Variants in PML observed in about 807,000 individuals in gnomAD.
PML encodes protein PML.
Under a neutral mutation model 65.2 loss-of-function variants are expected in PML, and 28 were observed. The ratio of observed to expected loss-of-function variants is 0.43; its 90% CI spans 0.32 to 0.59. PML has a LOEUF of 0.59. Among genes scored for constraint, PML ranks in the 20% least tolerant of loss-of-function variants. PML has a pLI of 0.08. For missense variants in PML, 1,021 were observed against 1,203.4 expected (o/e 0.85, Z 2.24); for synonymous variants, 500 against 508.8 (o/e 0.98, Z 0.23).
At chr15:74,002,002 T>C (rs1250926419) in intron 2 of PML, among the ~76,000 whole-genome samples, 1 of 147,696 alleles carries the variant, frequency 6.8e-6, no homozygotes, top group Non-Finnish European at 1.5e-5. Flanking sequence ...GGACCCTGAC[T>C]CGAAAAAAAA....
At chr15:74,010,011 G>A (rs1418382602) in intron 2 of PML, among the ~76,000 whole-genome samples, 1 of 149,302 alleles carries the variant, frequency 6.7e-6, no homozygotes, top group Admixed American at 6.7e-5. Context: ...GAACAATTTG[G>A]GTTTTTTAGT....
intron 1 of PML, among the ~76,000 whole-genome samples, chr15:73,996,829 C>A (rs920839058): frequency 3.3e-5 from 5 of 152,184 alleles, no homozygotes; most frequent in African/African-American, 4.8e-5. Context: ...TCTAATCTAC[C>A]TTCTGTCCCT....
At chr15:73,999,591 G>A (rs965432447) in intron 2 of PML, among the ~76,000 whole-genome samples, 3 of 152,156 alleles carry the variant, frequency 2.0e-5, no homozygotes, top group Non-Finnish European at 4.4e-5. Context: ...CTGCATTTGC[G>A]AGTGGCCTGT....
Position 74,044,852 on chromosome 15 carries a change from C to A in PML, c.2493C>A (p.Thr831=), listed in dbSNP as rs781405445. The change falls in exon 9 of 9, where the codon ACC becomes ACA. Residue 831 remains threonine (T), a synonymous_variant. Coordinates refer to ENST00000268058, the MANE Select transcript of PML (RefSeq NM_033238.3). ...KKYSRYLSLQ[T]TTLPPAQPAF... ...ACAGCCGCTATCTAAGCCTGCAGAC[C>A]ACCACGTTGCCCCCTGCCCAGCCTG... 1 of 1,613,396 alleles carries A rather than the reference C, an allele frequency of 6.2e-7. No homozygotes were observed. Among genetic ancestry groups the A allele is most frequent in the South Asian group, 1.1e-5 (1 of 91,096 alleles).
At chr15:74,039,282 G>A (rs2071645113) in intron 7 of PML, among the ~76,000 whole-genome samples, 2 of 152,234 alleles carry the variant, frequency 1.3e-5, no homozygotes, top group Non-Finnish European at 2.9e-5. Flanking sequence ...GGCAGCAGAG[G>A]CCACAGGCTG....
In PML at chr15:74,037,841, G is replaced by A; in HGVS notation, c.1710+3311G>A. 2.2e-6 allele frequency: 1 copy of A among 459,876 alleles called. No homozygotes were observed. Among genetic ancestry groups the A allele is most frequent in the Non-Finnish European group, 2.9e-6 (1 of 349,452 alleles). The allele number at this position is 459,876 out of a possible 1,614,324, so 28.5% of individuals were successfully genotyped here. ...CTGTGTATTCTCCCAGGTGCTCTCA[G>A]CCACGCCCCTGACTTCAGTTACTGC... On this transcript the variant is annotated intron_variant, in intron 7 of 8. Transcript: ENST00000268058. This position sits in a 1 kb window ranked among gnomAD's most constrained non-coding sequence, Gnocchi z 4.2.
chr15:74,019,818 T>C (rs1274208283), intron 2 of PML, among the ~76,000 whole-genome samples: 2 of 152,198 alleles, frequency 1.3e-5, no homozygotes, highest in African/African-American at 4.8e-5. Context: ...TAACCTCATT[T>C]CTCCATGGAG....
Position 74,013,398 on chromosome 15 carries a change from C to T in PML, c.603-9430C>T, listed in dbSNP as rs2070419016. ...AGATTAGAACCACCATATACATTCA[C>T]TTGATACATATTTTTATAAAAGTGC... is the stretch of plus-strand genomic sequence containing the variant. On this transcript the variant is annotated intron_variant, in intron 2 of 8. Coordinates refer to ENST00000268058, the MANE Select transcript of PML (RefSeq NM_033238.3). Among the ~76,000 whole-genome samples the T allele has an allele frequency of 4.6e-5, 7 of 152,210 alleles. No homozygotes were observed. The South Asian group carries it at 6.2e-4, about 13-fold the overall frequency.
rs1415687719 is a variant in PML at position 74,035,554 on chromosome 15, T to C, written c.1710+1024T>C. 1 of 1,610,798 alleles carries C rather than the reference T, an allele frequency of 6.2e-7. No individual in the cohort carries two copies. Among genetic ancestry groups the C allele is most frequent in the Non-Finnish European group, 8.5e-7 (1 of 1,179,420 alleles). On this transcript the variant is annotated intron_variant, in intron 7 of 8. Transcript: ENST00000268058. The surrounding 1 kb of genome is among the most constrained non-coding windows in gnomAD (Gnocchi z 4.1). ...GTGGTCCAAGCCAGCACTCCTGCCA[T>C]CACAGGGCCCCTCAACCATCCTGCC... is the stretch of plus-strand genomic sequence containing the variant.
intron 3 of PML, among the ~76,000 whole-genome samples, chr15:74,024,607 G>A (rs2070991977): frequency 6.6e-6 from 1 of 152,168 alleles, no homozygotes; most frequent in Non-Finnish European, 1.5e-5. Context: ...GGTACACTTG[G>A]GGTTTGGAGC....
Position 74,037,865 on chromosome 15 carries a change from GC to G in PML, c.1710+3338del. ...AGCCACGCCCCTGACTTCAGTTACT[GC>G]CCAGGGGTAGCTGATACCCAACACT... On this transcript the variant is annotated intron_variant, in intron 7 of 8. Coordinates refer to ENST00000268058, the MANE Select transcript of PML (RefSeq NM_033238.3). The surrounding 1 kb of genome is among the most constrained non-coding windows in gnomAD (Gnocchi z 4.2). The G allele has an allele frequency of 3.6e-6, 1 of 278,100 alleles. No homozygotes were observed. The highest frequency in any genetic ancestry group is 5.5e-6 in the Non-Finnish European group (1 of 183,340). 17.2% of individuals were successfully genotyped at this position (278,100 alleles called of 1,614,324 possible).
chr15:74,008,197 G>A (rs2070154943), intron 2 of PML, among the ~76,000 whole-genome samples: 1 of 152,216 alleles, frequency 6.6e-6, no homozygotes, highest in South Asian at 2.1e-4. Flanking sequence ...CAAGGAAGGG[G>A]CACTAGTGAG....
intron 4 of PML, chr15:74,025,521 C>CA (rs1305666640): frequency 1.2e-5 from 2 of 162,492 alleles, no homozygotes; most frequent in African/African-American, 2.4e-5. Flanking sequence ...ATACATGTAA[C>CA]AAAGCAGACT....
At chr15:74,002,758 C>A (rs941656960) in intron 2 of PML, among the ~76,000 whole-genome samples, 1 of 151,934 alleles carries the variant, frequency 6.6e-6, no homozygotes, top group Non-Finnish European at 1.5e-5. Flanking sequence ...CTGGCCGAAA[C>A]TTTCTACCTT....
At position 74,037,569 on chromosome 15, in the gene PML, C is replaced by G; in HGVS notation, c.1710+3039C>G. On this transcript the variant is annotated intron_variant, in intron 7 of 8. Coordinates refer to ENST00000268058, the MANE Select transcript of PML (RefSeq NM_033238.3). This position sits in a 1 kb window ranked among gnomAD's most constrained non-coding sequence, Gnocchi z 4.2. ...CTCTCCTTGTTTACACTTCAGCCCC[C>G]TCCTTGCCCCTTCTTCACCCCACCT... is the stretch of plus-strand genomic sequence containing the variant. 4 of 985,442 alleles carry G rather than the reference C, an allele frequency of 4.1e-6. No individual in the cohort carries two copies. Among genetic ancestry groups the G allele is most frequent in the Non-Finnish European group, 4.8e-6 (4 of 829,932 alleles). 61.0% of individuals were successfully genotyped at this position (985,442 alleles called of 1,614,324 possible).
intron 4 of PML, among the ~76,000 whole-genome samples, chr15:74,031,531 C>T (rs1441281263): frequency 2.0e-5 from 3 of 152,212 alleles, no homozygotes; most frequent in East Asian, 1.9e-4. Context: ...TATTCCATCA[C>T]GTGGCTATAC....
intron 7 of PML, among the ~76,000 whole-genome samples, chr15:74,041,139 C>T (rs182651978): frequency 2.6e-4 from 39 of 152,230 alleles, no homozygotes; most frequent in South Asian, 6.2e-4. Flanking sequence ...GGAAGAAGAA[C>T]GAAAAAGAGA....
At chr15:74,032,365 C>G (rs2071359216) in intron 4 of PML, 2 of 606,370 alleles carry the variant, frequency 3.3e-6, no homozygotes, top group Admixed American at 2.9e-5. Flanking sequence ...GACCCTGTCT[C>G]TACAAAAAAA....
chr15:74,002,432 T>G (rs552947700), intron 2 of PML, among the ~76,000 whole-genome samples: 1 of 141,516 alleles, frequency 7.1e-6, no homozygotes, highest in South Asian at 2.2e-4. Context: ...ACTTTCTACC[T>G]TTCTTTCTTT....
Sources: allele counts gnomAD v4.1 joint callset (sites outside exome capture counted in the v4.1 genomes callset), GRCh38; gene constraint gnomAD v4.1.1; non-coding constraint Gnocchi (gnomAD v3.1); transcripts MANE v1.5; gene names NCBI Gene and HGNC (gene_info 2026-07-23, HGNC 2026-07-21).